Variants in PPM1K observed in about 807,000 individuals in gnomAD.
PPM1K encodes protein phosphatase, Mg2+/Mn2+ dependent 1K.
Under a neutral mutation model 32.6 loss-of-function variants are expected in PPM1K, and 19 were observed. That is an observed-to-expected ratio of 0.58 (90% CI 0.41 to 0.86). The LOEUF is 0.86. Among genes scored for constraint, PPM1K ranks in the 40% least tolerant of loss-of-function variants. PPM1K has a pLI of 0.00. For missense variants in PPM1K, 362 were observed against 461.2 expected, an observed-to-expected ratio of 0.78 and a Z score of 1.97; for synonymous variants, 159 against 165.3, an observed-to-expected ratio of 0.96 and a Z score of 0.29.
chr4:88,265,443 C>T (rs1731268175), intron 5 of PPM1K, among the ~76,000 whole-genome samples: 1 of 152,198 alleles, frequency 6.6e-6, no homozygotes, highest in Non-Finnish European at 1.5e-5. Context: ...CCTGCACATG[C>T]TCTCTTGCCT....
In PPM1K at chr4:88,283,055, C is replaced by T. The variant is rs75889711; in HGVS notation, c.-60+1351G>A. Among the ~76,000 whole-genome samples the T allele has an allele frequency of 2.7e-3, 407 of 152,336 alleles. 4 individuals are homozygous for T. The highest frequency in any genetic ancestry group is 9.4e-3 in the African/African-American group (391 of 41,566). On this transcript the variant is annotated intron_variant, in intron 1 of 6. Transcript: ENST00000608933. ...AGGTATTTTATCAGACACACACACA[C>T]GCACGTGCTGCTCTTCTTCCTGCCA...
At chr4:88,281,056 C>G (rs1048708942) in intron 1 of PPM1K, among the ~76,000 whole-genome samples, 10 of 151,624 alleles carry the variant, frequency 6.6e-5, no homozygotes, top group Non-Finnish European at 1.3e-4. Flanking sequence ...TACAATCTAC[C>G]AGGTAATGGA....
intron 1 of PPM1K, chr4:88,283,675 T>C (rs1004899408): frequency 1.3e-5 from 2 of 152,266 alleles, no homozygotes; most frequent in African/African-American, 2.4e-5. Flanking sequence ...ACGCCTTGAG[T>C]ACTACAGCGC....
At chr4:88,268,996 A>AGTTTATCATGCTTGTGTT in intron 3 of PPM1K, 90 bp from the exon 4 acceptor site, 2 of 1,090,830 alleles carry the variant, frequency 1.8e-6, no homozygotes, top group Non-Finnish European at 1.3e-6. Flanking sequence ...CACAAGCATG[A>AGTTTATCATGCTTGTGTT]TAAACTAATG....
intron 3 of PPM1K, chr4:88,275,632 C>T: frequency 1.0e-6 from 1 of 985,396 alleles, no homozygotes; most frequent in Non-Finnish European, 1.2e-6. Context: ...GCCCAGTAAG[C>T]TGCAGCTATT....
chr4:88,272,724 G>A (rs966868182), intron 3 of PPM1K, among the ~76,000 whole-genome samples: 1 of 152,128 alleles, frequency 6.6e-6, no homozygotes, highest in Non-Finnish European at 1.5e-5. Context: ...TAACAAAAAA[G>A]CAATAAAAAT....
chr4:88,261,704 T>G lies in PPM1K; in HGVS notation c.*891A>C, dbSNP rs1379107958. Reference sequence around the variant, plus strand: ...TAATTTCTTTTCTTTCTTTTTTTTTTTTTTTTTGAGATGGAGTTTTTCGCT... The same window carrying G: ...TAATTTCTTTTCTTTCTTTTTTTTTGTTTTTTTGAGATGGAGTTTTTCGCT... On this transcript the variant is annotated 3_prime_UTR_variant, in exon 7 of 7. Transcript: ENST00000608933. The G allele has an allele frequency of 1.3e-5, 2 of 150,536 alleles. No individual in the cohort carries two copies. Among genetic ancestry groups the G allele is most frequent in the Non-Finnish European group, 3.0e-5 (2 of 67,576 alleles). 9.3% of individuals were successfully genotyped at this position (150,536 alleles called of 1,614,324 possible). A position where few individuals can be genotyped will look rare whatever the true frequency, so the allele number is the denominator to read the frequency against.
intron 3 of PPM1K, chr4:88,276,919 A>C (rs908191407): frequency 1.3e-5 from 10 of 761,924 alleles, no homozygotes; most frequent in Non-Finnish European, 1.6e-5. Context: ...TCTCTTTCTG[A>C]AAAATTCTCC....
In PPM1K at chr4:88,260,354, A is replaced by C. The variant is rs1328164070; in HGVS notation, c.*2241T>G. The stretch of plus-strand genomic sequence containing the variant: ...AGGCTTGAGCCACCGCGCCTGGCTG[A>C]AACCTGCATCTTCAGAATGTCATTT... On this transcript the variant is annotated 3_prime_UTR_variant, in exon 7 of 7. Transcript: ENST00000608933. 1 of 152,174 alleles carries C rather than the reference A, an allele frequency of 6.6e-6. No homozygotes were observed. The highest frequency in any genetic ancestry group is 1.5e-5 in the Non-Finnish European group (1 of 68,038). 9.4% of individuals were successfully genotyped at this position (152,174 alleles called of 1,614,324 possible). A position where few individuals can be genotyped will look rare whatever the true frequency, so the allele number is the denominator to read the frequency against.
intron 3 of PPM1K, among the ~76,000 whole-genome samples, chr4:88,274,471 G>A (rs1403359077): frequency 6.6e-6 from 1 of 152,122 alleles, no homozygotes; most frequent in African/African-American, 2.4e-5. Context: ...ATTCAAAAAT[G>A]AATAAGCCAC....
intron 3 of PPM1K, chr4:88,271,035 G>A (rs569843432): frequency 1.9e-6 from 1 of 515,952 alleles, no homozygotes; most frequent in Middle Eastern, 3.2e-4. Context: ...TCAACTAATG[G>A]GACAAAGAGA....
intron 1 of PPM1K, among the ~76,000 whole-genome samples, chr4:88,283,520 G>T (rs1411033237): frequency 6.6e-6 from 1 of 152,240 alleles, no homozygotes; most frequent in Non-Finnish European, 1.5e-5. Flanking sequence ...CTTGCTGCAC[G>T]TTAGCAGTGG....
chr4:88,276,151 C>T (rs1731759218), intron 3 of PPM1K: 1 of 985,336 alleles, frequency 1.0e-6, no homozygotes, highest in Non-Finnish European at 1.2e-6. Context: ...CCAGCCCTAA[C>T]TCTGAACTGA....
intron 2 of PPM1K, 59 bp from the exon 3 acceptor site, chr4:88,277,302 C>T: frequency 8.8e-7 from 1 of 1,135,366 alleles, no homozygotes; most frequent in East Asian, 2.4e-5. Context: ...TTTTTCTCCT[C>T]ACTGTTACTC....
chr4:88,267,112 A>AGGTGATGCTGGCTGATTGGGTGCG (rs1277555211), intron 5 of PPM1K, among the ~76,000 whole-genome samples: 3 of 142,576 alleles, frequency 2.1e-5, no homozygotes, highest in African/African-American at 8.1e-5. Flanking sequence ...GATTGGGTGC[A>AGGTGATGCTGGCTGATTGGGTGCG]GGTGATGCTG....
At chr4:88,264,263 T>C (rs1731227234) in intron 6 of PPM1K, among the ~76,000 whole-genome samples, 1 of 152,238 alleles carries the variant, frequency 6.6e-6, no homozygotes, top group Non-Finnish European at 1.5e-5. Context: ...CAAAAATAGC[T>C]GTTGAATTAA....
chr4:88,278,600 A>G lies in PPM1K; in HGVS notation c.-17T>C. ...TGTTGACATAACTCAGCTCCAAAGG[A>G]CTCAGTGATGAGGGAAAGGTCAATG... On this transcript the variant is annotated 5_prime_UTR_variant, in exon 2 of 7. Coordinates refer to ENST00000608933, the MANE Select transcript of PPM1K (RefSeq NM_152542.5). This position sits in a 1 kb window ranked among gnomAD's most constrained non-coding sequence, Gnocchi z 4.2. The G allele has an allele frequency of 6.3e-7, 1 of 1,578,054 alleles. No individual in the cohort carries two copies.
intron 1 of PPM1K, among the ~76,000 whole-genome samples, chr4:88,282,912 CTT>C (rs891213043): frequency 2.0e-5 from 3 of 152,212 alleles, no homozygotes; most frequent in Admixed American, 1.3e-4. Flanking sequence ...ACTCTCCTCT[CTT>C]CTTTCCTCGT....
chr4:88,284,495 C>A lies in PPM1K; in HGVS notation c.-149G>T, dbSNP rs945702187. 6.6e-6 allele frequency: 1 copy of A among 152,276 alleles called. No individual in the cohort carries two copies. Among genetic ancestry groups the A allele is most frequent in the Non-Finnish European group, 1.5e-5 (1 of 68,058 alleles). The allele number at this position is 152,276 out of a possible 1,614,324, so 9.4% of individuals were successfully genotyped here. A position where few individuals can be genotyped will look rare whatever the true frequency, so the allele number is the denominator to read the frequency against. On this transcript the variant is annotated 5_prime_UTR_variant, in exon 1 of 7. Transcript: ENST00000608933. Reference sequence around the variant, plus strand: ...CTTGGTCGGTAAATAAGAGTGCCTTCTCCGTCGTCTCGGATCTCCGAAGCA... The same window carrying A: ...CTTGGTCGGTAAATAAGAGTGCCTTATCCGTCGTCTCGGATCTCCGAAGCA...
Sources: allele counts gnomAD v4.1 joint callset (sites outside exome capture counted in the v4.1 genomes callset), GRCh38; gene constraint gnomAD v4.1.1; non-coding constraint Gnocchi (gnomAD v3.1); transcripts MANE v1.5; gene names NCBI Gene and HGNC (gene_info 2026-07-23, HGNC 2026-07-21).